The following CDK6 variants were observed in gnomAD, a reference collection of about 807,000 sequenced individuals.
CDK6 encodes cyclin dependent kinase 6.
A neutral mutation model predicts 37.1 loss-of-function variants in CDK6; 6 were observed. That is an observed-to-expected ratio of 0.16 (90% CI 0.09 to 0.32). The LOEUF (loss-of-function observed/expected upper bound fraction) is 0.32. Among genes scored for constraint, CDK6 ranks in the 10% least tolerant of loss-of-function variants. The probability of loss-of-function intolerance (pLI) is 1.00; values close to 1 mark genes in which losing one functional copy is unlikely to be tolerated. For missense variants in CDK6, 224 were observed against 418.9 expected (o/e 0.53, Z 4.06); for synonymous variants, 160 against 161.3 (o/e 0.99, Z 0.06).
chr7:92,695,271 T>TA lies in CDK6; in HGVS notation c.538-23737dup, dbSNP rs61112739. On this transcript the variant is annotated intron_variant, in intron 4 of 7. Transcript: ENST00000424848. ...TGTTGGTGATTAAGGGACCCTGAGG[T>TA]AAAAAAAAAAAAAAGAAAGAAAGAA... 4.5e-3 allele frequency among the ~76,000 whole-genome samples: 452 copies of TA among 99,590 alleles called. 5 individuals are homozygous for TA. Among genetic ancestry groups the TA allele is most frequent in the Admixed American group, 0.016 (160 of 9,736 alleles). The allele number at this position is 99,590 out of a possible 152,430, so 65.3% of individuals were successfully genotyped here.
At chr7:92,737,628 C>T (rs953197393) in intron 3 of CDK6, among the ~76,000 whole-genome samples, 2 of 152,118 alleles carry the variant, frequency 1.3e-5, no homozygotes, top group African/African-American at 2.4e-5. Flanking sequence ...ACTACCAAAA[C>T]GGGAAAAACA....
intron 3 of CDK6, among the ~76,000 whole-genome samples, chr7:92,744,780 C>A (rs564641869): frequency 6.6e-4 from 101 of 152,198 alleles, no homozygotes; most frequent in Non-Finnish European, 1.2e-3. Flanking sequence ...TTTATCACTG[C>A]CAACTCCCTG....
intron 5 of CDK6, among the ~76,000 whole-genome samples, chr7:92,665,794 A>C (rs1796943201): frequency 6.6e-6 from 1 of 152,254 alleles, no homozygotes; most frequent in South Asian, 2.1e-4. Context: ...CTAGTAGGTC[A>C]AACAACAGCA....
chr7:92,742,976 T>G (rs1269090262), intron 3 of CDK6, among the ~76,000 whole-genome samples: 1 of 151,816 alleles, frequency 6.6e-6, no homozygotes, highest in Admixed American at 6.6e-5. Flanking sequence ...AAACATTTTG[T>G]CTCTCTATAT....
chr7:92,767,106 T>G (rs1584067087), intron 3 of CDK6, among the ~76,000 whole-genome samples: 1 of 152,332 alleles, frequency 6.6e-6, no homozygotes, highest in East Asian at 1.9e-4. Flanking sequence ...CTGCTGCTCT[T>G]TTACATTAAT....
chr7:92,802,992 T>C lies in CDK6; in HGVS notation c.234-28161A>G, dbSNP rs537605780. On this transcript the variant is annotated intron_variant, in intron 2 of 7. Transcript: ENST00000424848. Reference sequence around the variant, plus strand: ...ACTACTACTATAGAGGGCCAATTCGTCATTCTGCGTTCTTACAGTTTTTCA... The same window carrying C: ...ACTACTACTATAGAGGGCCAATTCGCCATTCTGCGTTCTTACAGTTTTTCA... Among the ~76,000 whole-genome samples, 12 of 152,322 alleles carry C rather than the reference T, an allele frequency of 7.9e-5. No individual in the cohort carries two copies. In the South Asian group the frequency reaches 2.3e-3, roughly 29 times the overall value.
intron 2 of CDK6, among the ~76,000 whole-genome samples, chr7:92,782,110 C>T (rs1016405827): frequency 1.3e-5 from 2 of 152,102 alleles, no homozygotes; most frequent in African/African-American, 4.8e-5. Context: ...TGTGCAGGCA[C>T]TATACTCAGT....
chr7:92,754,378 T>G (rs1358142358), intron 3 of CDK6, among the ~76,000 whole-genome samples: 1 of 152,210 alleles, frequency 6.6e-6, no homozygotes, highest in Non-Finnish European at 1.5e-5. Context: ...AAATGGTCTC[T>G]TTTCAGAGGA....
intron 3 of CDK6, among the ~76,000 whole-genome samples, chr7:92,729,810 C>T (rs769915794): frequency 1.3e-5 from 2 of 151,998 alleles, no homozygotes; most frequent in African/African-American, 2.4e-5. Flanking sequence ...TGCAGTGGTG[C>T]CATCATATCA....
At chr7:92,820,731 A>C (rs1405661287) in intron 2 of CDK6, among the ~76,000 whole-genome samples, 1 of 152,140 alleles carries the variant, frequency 6.6e-6, no homozygotes, top group East Asian at 1.9e-4. Flanking sequence ...CTCATTTTTC[A>C]GAGTAGAAAG....
At chr7:92,622,444 T>G (rs549217544) in intron 6 of CDK6, among the ~76,000 whole-genome samples, 145 of 152,208 alleles carry the variant, frequency 9.5e-4, no homozygotes, top group Non-Finnish European at 1.6e-3. Flanking sequence ...CTTTTTAAAG[T>G]GCTTACTATG....
rs921465914 is a variant in CDK6, at chr7:92,608,511, TA to T, written c.*6628del. On this transcript the variant is annotated 3_prime_UTR_variant, in exon 8 of 8. Transcript: ENST00000424848. Reference sequence around the variant, plus strand: ...TATAGAATGATGGAAAATAAAAAAATAAAAAAAAATTCCTGCAATTATACAT... The same window carrying T: ...TATAGAATGATGGAAAATAAAAAAATAAAAAAAATTCCTGCAATTATACAT... 117 of 229,446 alleles carry T rather than the reference TA, an allele frequency of 5.1e-4. No homozygotes were observed. The highest frequency in any genetic ancestry group is 2.6e-3 in the Middle Eastern group (2 of 768). 14.2% of individuals were successfully genotyped at this position (229,446 alleles called of 1,614,324 possible).
intron 5 of CDK6, among the ~76,000 whole-genome samples, chr7:92,655,257 A>C (rs1394243908): frequency 6.6e-6 from 1 of 152,168 alleles, no homozygotes; most frequent in Non-Finnish European, 1.5e-5. Flanking sequence ...TTGAGGGGCC[A>C]GTAGGTATCA....
At chr7:92,812,416 A>G (rs1800907952) in intron 2 of CDK6, among the ~76,000 whole-genome samples, 1 of 147,536 alleles carries the variant, frequency 6.8e-6, no homozygotes, top group African/African-American at 2.6e-5. Flanking sequence ...AAATTTTCTC[A>G]TTCAATTTTT....
chr7:92,668,191 T>A (rs1455992329), intron 5 of CDK6, among the ~76,000 whole-genome samples: 1 of 152,236 alleles, frequency 6.6e-6, no homozygotes, highest in Non-Finnish European at 1.5e-5. Flanking sequence ...TGGTAGTCAG[T>A]ATGATAATAT....
chr7:92,763,462 A>G (rs903873930), intron 3 of CDK6, among the ~76,000 whole-genome samples: 1 of 152,220 alleles, frequency 6.6e-6, no homozygotes, highest in Non-Finnish European at 1.5e-5. Context: ...ATCATGAATG[A>G]GTGATGAACA....
chr7:92,795,518 T>C (rs539087741), intron 2 of CDK6, among the ~76,000 whole-genome samples: 200 of 152,162 alleles, frequency 1.3e-3, no homozygotes, highest in South Asian at 5.4e-3. Context: ...TTCCAACATT[T>C]TGAGAAATTT....
chr7:92,807,182 T>C (rs960350776), intron 2 of CDK6, among the ~76,000 whole-genome samples: 2 of 152,196 alleles, frequency 1.3e-5, no homozygotes, highest in Non-Finnish European at 2.9e-5. Flanking sequence ...TACCCTTCCA[T>C]GATATTTTTA....
intron 2 of CDK6, among the ~76,000 whole-genome samples, chr7:92,819,812 T>C (rs959519709): frequency 1.3e-5 from 2 of 151,772 alleles, no homozygotes; most frequent in Admixed American, 6.6e-5. Context: ...TCAGTAGACA[T>C]TTGGAAAATA....
Sources: gnomAD v4.1 joint callset for allele counts (sites outside exome capture counted in the v4.1 genomes callset) on GRCh38, gnomAD v4.1.1 for gene constraint, MANE v1.5 for transcripts, NCBI Gene and HGNC (gene_info 2026-07-23, HGNC 2026-07-21) for gene names.